Variants in SYNE2 observed in about 807,000 individuals in gnomAD.
SYNE2 encodes spectrin repeat containing nuclear envelope protein 2.
A neutral mutation model predicts 856.3 loss-of-function variants in SYNE2; 431 were observed. The observed-to-expected ratio is 0.50, with a 90% CI of 0.47 to 0.55. The LOEUF is 0.55. Ranked by LOEUF, SYNE2 falls within the 20% of genes least tolerant of loss-of-function variation. The pLI is 0.00. For synonymous variants in SYNE2, 2,923 were observed against 2,872.3 expected (o/e 1.02, Z -0.56); for missense variants, 8,129 against 8,023.2 (o/e 1.01, Z -0.50).
chr14:64,014,953 ATATATATATATAT>A (rs1216350950), intron 32 of SYNE2, among the ~76,000 whole-genome samples: 1 of 119,456 alleles, frequency 8.4e-6, no homozygotes, highest in Non-Finnish European at 1.5e-5. Context: ...ATATATATAT[ATATATATATATAT>A]ATATATATAC....
chr14:63,847,501 T>C (rs578020710), intron 1 of SYNE2, among the ~76,000 whole-genome samples: 8 of 152,168 alleles, frequency 5.3e-5, no homozygotes, highest in African/African-American at 1.9e-4. Flanking sequence ...TTATTTGCTT[T>C]ATTCTACTAT....
intron 1 of SYNE2, among the ~76,000 whole-genome samples, chr14:63,806,087 G>C (rs1888350946): frequency 1.3e-5 from 2 of 152,122 alleles, no homozygotes. Flanking sequence ...TCCAGCTTTT[G>C]CCAGTTCAGT....
intron 1 of SYNE2, among the ~76,000 whole-genome samples, chr14:63,798,289 A>G (rs1321741389): frequency 2.0e-5 from 3 of 151,958 alleles, no homozygotes; most frequent in Non-Finnish European, 2.9e-5. Flanking sequence ...AACTCAAACA[A>G]TCTTCCCACC....
chr14:63,940,626 A>G lies in SYNE2; in HGVS notation c.92A>G (p.Asp31Gly). ...CTTTCTTTGATAGCTGAACAGGAAG[A>G]CACCCAGAAGAAAGCCTTCACGTGC... Reference protein sequence around the residue: ...LHISLQAEQEDTQKKAFTCWI... With the variant: ...LHISLQAEQEGTQKKAFTCWI... The change falls in exon 3 of 116, where the codon GAC (aspartate) becomes GGC (glycine). Residue 31 changes from aspartate (D) to glycine (G), a missense_variant. Physicochemically the swap from Asp to Gly is moderately conservative, Grantham distance 94. Around this residue, in one of 3 missense-constraint regions of SYNE2, gnomAD observed 2,422 missense variants for 2,357.4 expected, o/e 1.03. Coordinates refer to ENST00000555002, the MANE Select transcript of SYNE2 (RefSeq NM_182914.3). The G allele has an allele frequency of 1.2e-6, 2 of 1,614,132 alleles. No individual in the cohort carries two copies. The highest frequency in any genetic ancestry group is 1.7e-6 in the Non-Finnish European group (2 of 1,179,996).
intron 96 of SYNE2, 51 bp downstream of exon 96, chr14:64,177,534 G>C: frequency 6.2e-7 from 1 of 1,611,420 alleles, no homozygotes; most frequent in Non-Finnish European, 8.5e-7. Flanking sequence ...TGTTTTCTGA[G>C]TACTTTGAAG....
chr14:64,194,454 G>A (rs1053539026), intron 99 of SYNE2, among the ~76,000 whole-genome samples: 3 of 151,944 alleles, frequency 2.0e-5, no homozygotes, highest in South Asian at 2.1e-4. Flanking sequence ...CACCATGCCC[G>A]GATAGTTGTT....
chr14:63,835,998 A>AAAAT (rs201325032), intron 1 of SYNE2, among the ~76,000 whole-genome samples: 57 of 149,834 alleles, frequency 3.8e-4, no homozygotes, highest in Admixed American at 2.3e-3. Flanking sequence ...AAAAAAAAAA[A>AAAAT]GGTGAAAATA....
intron 113 of SYNE2, among the ~76,000 whole-genome samples, chr14:64,224,045 C>A (rs1423112065): frequency 6.6e-6 from 1 of 151,832 alleles, no homozygotes; most frequent in Non-Finnish European, 1.5e-5. Flanking sequence ...TAGAAGAGCC[C>A]CTTCAGGAAA....
At chr14:64,054,626 T>C (rs890761322) in intron 48 of SYNE2, among the ~76,000 whole-genome samples, 3 of 152,206 alleles carry the variant, frequency 2.0e-5, no homozygotes, top group African/African-American at 7.2e-5. Context: ...GTATTGACTG[T>C]ATCTGTTTTC....
At chr14:64,165,640 G>A (rs1389488530) in intron 90 of SYNE2, among the ~76,000 whole-genome samples, 1 of 151,980 alleles carries the variant, frequency 6.6e-6, no homozygotes, top group Non-Finnish European at 1.5e-5. Context: ...AGCCTCCCAA[G>A]TAGCTGGGAC....
intron 2 of SYNE2, among the ~76,000 whole-genome samples, chr14:63,923,495 C>T (rs933748330): frequency 6.6e-6 from 1 of 152,196 alleles, no homozygotes; most frequent in Non-Finnish European, 1.5e-5. Flanking sequence ...CCTTCCCTAG[C>T]CATTTAATCA....
intron 45 of SYNE2, among the ~76,000 whole-genome samples, chr14:64,033,057 A>G (rs546827283): frequency 8.5e-5 from 13 of 152,244 alleles, no homozygotes; most frequent in African/African-American, 3.1e-4. Context: ...GTTCCCAACT[A>G]TTTGGGAGGC....
chr14:64,113,473 C>G lies in SYNE2; in HGVS notation c.12742C>G (p.Leu4248Val). Residue 4248 changes from leucine to valine, a missense_variant, in exon 66 of 116, where the codon CTG becomes GTG. This residue lies in a region of SYNE2 where 5,410 missense variants were observed against 5,284.8 expected (regional missense o/e 1.02). Coordinates refer to ENST00000555002, the MANE Select transcript of SYNE2 (RefSeq NM_182914.3). ...LHACKTQVAE[L>V]ELWLQQANVA... is the part of the protein sequence containing the mutation. ...TGCCTGCAAGACCCAGGTGGCCGAG[C>G]TGGAGCTGTGGCTGCAACAAGCCAA... 6.2e-7 allele frequency: 1 copy of G among 1,614,176 alleles called. No individual in the cohort carries two copies. Among genetic ancestry groups the G allele is most frequent in the African/African-American group, 1.3e-5 (1 of 75,058 alleles).
chr14:64,154,689 A>T (rs765584240), intron 85 of SYNE2, among the ~76,000 whole-genome samples: 3 of 150,686 alleles, frequency 2.0e-5, no homozygotes, highest in Non-Finnish European at 4.4e-5. Flanking sequence ...GCTACTTAGG[A>T]GGCTGAGGCA....
chr14:63,985,424 C>G (rs2096618208), intron 18 of SYNE2, among the ~76,000 whole-genome samples: 1 of 151,060 alleles, frequency 6.6e-6, no homozygotes, highest in Non-Finnish European at 1.5e-5. Context: ...ATGTATCTAT[C>G]ATGTAAAGCT....
rs76571460 is a variant in SYNE2 at position 64,076,904 on chromosome 14, C to T, written c.11022+804C>T. Among the ~76,000 whole-genome samples the T allele has an allele frequency of 1.5e-3, 228 of 152,062 alleles. 2 individuals are homozygous for T. The Middle Eastern group carries it at 0.017, about 11-fold the overall frequency. On this transcript the variant is annotated intron_variant, in intron 54 of 115. Transcript: ENST00000555002. ...ATGTAAAAAACATGTAAACTCTTAA[C>T]GTATATTTATAACAAATCTTTTTTA... is the stretch of plus-strand genomic sequence containing the variant.
chr14:64,124,202 TC>T (rs2097919330), intron 70 of SYNE2, among the ~76,000 whole-genome samples: 2 of 151,736 alleles, frequency 1.3e-5, no homozygotes, highest in Admixed American at 6.6e-5. Context: ...CGAGACTCCG[TC>T]TCAAAAAAAG....
chr14:63,961,026 G>A, intron 8 of SYNE2: 1 of 500,216 alleles, frequency 2.0e-6, no homozygotes, highest in South Asian at 3.1e-5. Context: ...CTTGTTCCAT[G>A]AATGAATGAA....
intron 1 of SYNE2, among the ~76,000 whole-genome samples, chr14:63,774,290 G>A (rs769657947): frequency 2.0e-5 from 3 of 151,956 alleles, no homozygotes; most frequent in Non-Finnish European, 4.4e-5. Context: ...CCAACATGGT[G>A]AAACCCCATG....
Sources: gnomAD v4.1 joint callset for allele counts (sites outside exome capture counted in the v4.1 genomes callset) on GRCh38, gnomAD v4.1.1 for gene constraint, gnomAD v4.1.1 regional missense constraint, MANE v1.5 for transcripts, NCBI Gene and HGNC (gene_info 2026-07-23, HGNC 2026-07-21) for gene names.